The following ATP2C1 variants were observed in gnomAD, a reference collection of about 807,000 sequenced individuals.
ATP2C1 encodes the protein ATPase secretory pathway Ca2+ transporting 1.
ATP2C1 carries 31 observed loss-of-function variants against 120.5 expected under a neutral mutation model. The ratio of observed to expected loss-of-function variants is 0.26; its 90% CI spans 0.19 to 0.35. The LOEUF (loss-of-function observed/expected upper bound fraction) is 0.35. ATP2C1 is among the 10% of genes least tolerant of loss of function. ATP2C1 has a pLI of 1.00. For synonymous variants in ATP2C1, 351 were observed against 358.7 expected (o/e 0.98, Z 0.24); for missense variants, 731 against 1,107.5 (o/e 0.66, Z 4.83).
chr3:130,918,092 C>T (rs1437521432), intron 2 of ATP2C1: 1 of 603,684 alleles, frequency 1.7e-6, no homozygotes, highest in Admixed American at 2.8e-5. Flanking sequence ...GTTAGCCAGC[C>T]TATCCGAGTA....
In ATP2C1 at chr3:130,861,075, G is replaced by T. The variant is rs149665083; in HGVS notation, c.108+10147G>T. Among the ~76,000 whole-genome samples, 136 of 152,280 alleles carry T rather than the reference G, an allele frequency of 8.9e-4. 1 individual carries two copies. Among genetic ancestry groups the T allele is most frequent in the African/African-American group, 3.2e-3 (132 of 41,542 alleles). On this transcript the variant is annotated intron_variant, in intron 1 of 26. Transcript: ENST00000504381. ...AGTTGAGGTCAGGAGTTCAAAACCA[G>T]CCTGACAACATGGTGAAACCCTGTC...
chr3:130,930,883 G>A (rs922283075), intron 3 of ATP2C1, among the ~76,000 whole-genome samples: 1 of 152,090 alleles, frequency 6.6e-6, no homozygotes, highest in Admixed American at 6.6e-5. Flanking sequence ...GTAAGGATTG[G>A]TTGGATTAGG....
At chr3:131,016,218 C>G in exon 27 of ATP2C1, 1 of 1,614,132 alleles carries the variant, frequency 6.2e-7, no homozygotes. Context: ...GACAGGACTG[C>G]CACTGACAGA....
intron 2 of ATP2C1, among the ~76,000 whole-genome samples, chr3:130,901,229 A>G (rs2057805413): frequency 6.6e-6 from 1 of 152,150 alleles, no homozygotes; most frequent in African/African-American, 2.4e-5. Flanking sequence ...TGAAACTAGT[A>G]TCAGATGAGA....
In ATP2C1 at chr3:130,938,668, T is replaced by C. The variant is rs531387566; in HGVS notation, c.360+1205T>C. On this transcript the variant is annotated intron_variant, in intron 6 of 27. Coordinates refer to ENST00000510168, the MANE Select transcript of ATP2C1 (RefSeq NM_001378687.1). ...CATGGTCAGGTGGAGCTGGTTAGTC[T>C]AGCATAGGTCATGTCAGGCTAACCA... Among the ~76,000 whole-genome samples, 39 of 152,324 alleles carry C rather than the reference T, an allele frequency of 2.6e-4. No individual in the cohort carries two copies. The South Asian group carries it at 7.7e-3, about 30-fold the overall frequency.
chr3:130,865,153 G>A (rs1451929231), intron 1 of ATP2C1, among the ~76,000 whole-genome samples: 2 of 152,212 alleles, frequency 1.3e-5, no homozygotes, highest in Admixed American at 1.3e-4. Flanking sequence ...TGACCTGGAT[G>A]TGAGACCTGG....
At chr3:130,857,086 T>C (rs2067865042) in intron 1 of ATP2C1, among the ~76,000 whole-genome samples, 1 of 152,228 alleles carries the variant, frequency 6.6e-6, no homozygotes, top group Non-Finnish European at 1.5e-5. Context: ...AGTTGAACTT[T>C]AATATTTCTG....
chr3:130,970,880 G>A (rs946983087), intron 17 of ATP2C1, among the ~76,000 whole-genome samples: 2 of 152,086 alleles, frequency 1.3e-5, no homozygotes, highest in African/African-American at 4.8e-5. Context: ...GGCCAGGTTG[G>A]TTAACACTGA....
chr3:130,919,888 C>T (rs1178411808), intron 2 of ATP2C1, among the ~76,000 whole-genome samples: 3 of 152,124 alleles, frequency 2.0e-5, no homozygotes, highest in African/African-American at 7.2e-5. Context: ...AATAGTTTTC[C>T]TTACAGGTGT....
intron 20 of ATP2C1, among the ~76,000 whole-genome samples, chr3:130,987,089 C>T (rs2062055794): frequency 6.6e-6 from 1 of 150,464 alleles, no homozygotes; most frequent in Non-Finnish European, 1.5e-5. Flanking sequence ...TAGGTGCTCA[C>T]CACTATGCTT....
chr3:130,915,567 C>T (rs979319423), intron 2 of ATP2C1, among the ~76,000 whole-genome samples: 5 of 152,062 alleles, frequency 3.3e-5, no homozygotes, highest in Non-Finnish European at 7.4e-5. Context: ...GTGTGACCTG[C>T]AGTTCTTGTA....
chr3:130,881,105 A>G (rs1050775962), intron 1 of ATP2C1, among the ~76,000 whole-genome samples: 8 of 152,210 alleles, frequency 5.3e-5, no homozygotes, highest in African/African-American at 1.9e-4. Context: ...CAGGATAAAG[A>G]GAGACTGAAA....
chr3:130,937,565 A>G, intron 6 of ATP2C1, 102 bp downstream of exon 6: 1 of 919,228 alleles, frequency 1.1e-6, no homozygotes, highest in Non-Finnish European at 1.8e-6. Flanking sequence ...TGTAATGCCC[A>G]TCAGAACAAC....
At chr3:130,906,706 G>T (rs2058142301) in intron 2 of ATP2C1, among the ~76,000 whole-genome samples, 1 of 149,990 alleles carries the variant, frequency 6.7e-6, no homozygotes, top group Non-Finnish European at 1.5e-5. Context: ...TGCATCCTAG[G>T]GGGTATGAAG....
downstream of ATP2C1, chr3:131,003,233 G>A: frequency 1.3e-6 from 1 of 799,652 alleles, no homozygotes; most frequent in Non-Finnish European, 1.5e-6. Context: ...CCATATGGAT[G>A]CTGGAGAATG....
intron 2 of ATP2C1, among the ~76,000 whole-genome samples, chr3:130,917,206 A>C (rs1010924629): frequency 6.6e-6 from 1 of 152,232 alleles, no homozygotes; most frequent in Non-Finnish European, 1.5e-5. Flanking sequence ...AAAATAGGCT[A>C]TGCTAAGCTA....
intron 7 of ATP2C1, among the ~76,000 whole-genome samples, chr3:130,941,147 C>G (rs852213): frequency 0.54 from 82,225 of 151,558 alleles, 22,820 homozygotes; most frequent in Middle Eastern, 0.66. Context: ...ATCTCCTGAC[C>G]TCGTGATCTG....
In ATP2C1 at chr3:130,894,460, T is replaced by A. The variant is rs1467631558; in HGVS notation, c.-181+123T>A. Reference sequence around the variant, plus strand: ...AGGGCGCCGCCCCGCTGGCGTGAGCTGGGGACGTTGCGGGCACACGACGGG... The same window carrying A: ...AGGGCGCCGCCCCGCTGGCGTGAGCAGGGGACGTTGCGGGCACACGACGGG... On this transcript the variant is annotated intron_variant, in intron 1 of 27. Coordinates refer to ENST00000510168, the MANE Select transcript of ATP2C1 (RefSeq NM_001378687.1). This position sits in a 1 kb window ranked among gnomAD's most constrained non-coding sequence, Gnocchi z 4.5. 1 of 1,341,286 alleles carries A rather than the reference T, an allele frequency of 7.5e-7. No homozygotes were observed. Among genetic ancestry groups the A allele is most frequent in the Non-Finnish European group, 9.6e-7 (1 of 1,042,332 alleles). 83.1% of individuals were successfully genotyped at this position (1,341,286 alleles called of 1,614,324 possible).
intron 13 of ATP2C1, 55 bp downstream of exon 13, chr3:130,964,150 G>C: frequency 1.2e-6 from 2 of 1,600,866 alleles, no homozygotes; most frequent in Non-Finnish European, 1.7e-6. Flanking sequence ...TATGTCAATA[G>C]TGAATCATCT....
Sources: gnomAD v4.1 joint callset for allele counts (sites outside exome capture counted in the v4.1 genomes callset) on GRCh38, gnomAD v4.1.1 for gene constraint, Gnocchi (gnomAD v3.1) non-coding constraint, MANE v1.5 for transcripts, NCBI Gene and HGNC (gene_info 2026-07-23, HGNC 2026-07-21) for gene names.